Variants in SLC4A7 observed in about 807,000 individuals in gnomAD.
SLC4A7 encodes solute carrier family 4 member 7.
A neutral mutation model predicts 137.6 loss-of-function variants in SLC4A7; 51 were observed. That is an observed-to-expected ratio of 0.37 (90% CI 0.30 to 0.47). The LOEUF is 0.47. SLC4A7 is among the 20% of genes least tolerant of loss of function. The pLI is 1.00. For missense variants in SLC4A7, 1,247 were observed against 1,525.4 expected, an observed-to-expected ratio of 0.82 and a Z score of 3.04; for synonymous variants, 542 against 518.6, an observed-to-expected ratio of 1.05 and a Z score of -0.61.
At chr3:27,478,669 G>T (rs925754598) in intron 1 of SLC4A7, among the ~76,000 whole-genome samples, 8 of 151,788 alleles carry the variant, frequency 5.3e-5, no homozygotes, top group Admixed American at 5.2e-4. Flanking sequence ...ATCCTCTTTG[G>T]AAGAAATCTG....
intron 3 of SLC4A7, among the ~76,000 whole-genome samples, chr3:27,446,740 A>G (rs2057666393): frequency 6.6e-6 from 1 of 152,128 alleles, no homozygotes; most frequent in Non-Finnish European, 1.5e-5. Flanking sequence ...ATTACTTAGT[A>G]TCACCAAAAA....
intron 13 of SLC4A7, among the ~76,000 whole-genome samples, chr3:27,408,147 T>C (rs1432564325): frequency 1.3e-5 from 2 of 152,230 alleles, no homozygotes; most frequent in Non-Finnish European, 2.9e-5. Context: ...TTTTCACTTT[T>C]TTCACTTAGA....
chr3:27,410,520 CAAG>C (rs2053800367), intron 12 of SLC4A7, among the ~76,000 whole-genome samples: 1 of 152,122 alleles, frequency 6.6e-6, no homozygotes, highest in African/African-American at 2.4e-5. Context: ...CACAAATTGA[CAAG>C]TAGTACTCTG....
At chr3:27,465,616 A>T (rs547521320) in intron 1 of SLC4A7, among the ~76,000 whole-genome samples, 2 of 152,306 alleles carry the variant, frequency 1.3e-5, no homozygotes, top group South Asian at 4.1e-4. Flanking sequence ...TGTGAATTTC[A>T]ATCAGCCAAA....
chr3:27,377,165 G>C (rs2049974809), intron 25 of SLC4A7, among the ~76,000 whole-genome samples: 1 of 152,000 alleles, frequency 6.6e-6, no homozygotes, highest in Admixed American at 6.5e-5. Flanking sequence ...CATATGAACA[G>C]TTATAGCATG....
chr3:27,403,283 C>A lies in SLC4A7; in HGVS notation c.2177G>T (p.Cys726Phe). The change falls in exon 15 of 26, where the codon TGT (cysteine) becomes TTT (phenylalanine). Residue 726 changes from cysteine to phenylalanine, a missense_variant. This residue lies in a region of SLC4A7 where 499 missense variants were observed against 664.2 expected (regional missense o/e 0.75). Coordinates refer to ENST00000454389, the MANE Select transcript of SLC4A7 (RefSeq NM_001321103.2). ...LVATDASSLVCYITRFTEEAF... is the reference protein window; with the variant it reads ...LVATDASSLVFYITRFTEEAF... ...CTCTTCTGTAAATCGAGTAATATAA[C>A]ACACAAGGCTGCTTGCATCTGTTGC... 1 of 1,613,948 alleles carries A rather than the reference C, an allele frequency of 6.2e-7. No homozygotes were observed. Among genetic ancestry groups the A allele is most frequent in the Non-Finnish European group, 8.5e-7 (1 of 1,179,938 alleles).
At chr3:27,414,307 A>G (rs1368413022) in intron 11 of SLC4A7, among the ~76,000 whole-genome samples, 1 of 151,848 alleles carries the variant, frequency 6.6e-6, no homozygotes, top group Non-Finnish European at 1.5e-5. Flanking sequence ...TACACAGTTG[A>G]CTCTTGAATA....
chr3:27,403,763 C>G (rs2053041395), intron 14 of SLC4A7, among the ~76,000 whole-genome samples: 1 of 152,142 alleles, frequency 6.6e-6, no homozygotes, highest in African/African-American at 2.4e-5. Context: ...ATCTTACTCC[C>G]TCTAAAGATC....
chr3:27,447,717 G>A (rs541160000), intron 3 of SLC4A7, among the ~76,000 whole-genome samples: 10 of 136,750 alleles, frequency 7.3e-5, no homozygotes, highest in South Asian at 4.5e-4. Context: ...ATCTATGCTC[G>A]TCATCAGATA....
chr3:27,390,132 T>C (rs45577743), intron 21 of SLC4A7, 28 bp from the exon 22 acceptor site: 66 of 1,379,168 alleles, frequency 4.8e-5, no homozygotes, highest in Non-Finnish European at 6.3e-5. Context: ...AACAAAGAAG[T>C]TTTCAATAAA....
In SLC4A7 at chr3:27,375,428, G is replaced by A. The variant is rs760616646; in HGVS notation, c.*1336C>T. The A allele has an allele frequency of 2.0e-5, 3 of 152,272 alleles. No homozygotes were observed. The highest frequency in any genetic ancestry group is 4.4e-5 in the Non-Finnish European group (3 of 67,864). 9.4% of individuals were successfully genotyped at this position (152,272 alleles called of 1,614,324 possible). A position where few individuals can be genotyped will look rare whatever the true frequency, so the allele number is the denominator to read the frequency against. ...ACATTTATTTCATGTGGAACTAAAAGTATATAAAAGATGACTAAAAAGATT... is the reference window on the plus strand; with the variant it reads ...ACATTTATTTCATGTGGAACTAAAAATATATAAAAGATGACTAAAAAGATT... On this transcript the variant is annotated 3_prime_UTR_variant, in exon 26 of 26. Transcript: ENST00000454389.
Position 27,433,943 on chromosome 3 carries a change from A to G in SLC4A7, c.751T>C (p.Ser251Pro). The change falls in exon 6 of 26, where the codon TCT (serine) becomes CCT (proline). Residue 251 changes from serine (S) to proline (P), a missense_variant. Coordinates refer to ENST00000454389, the MANE Select transcript of SLC4A7 (RefSeq NM_001321103.2). ...TTCCTTTCAAGCAAGTGAGGGTCAGAATGTTTCTTGCCTATATCTGCAAAA... is the reference window on the plus strand; with the variant it reads ...TTCCTTTCAAGCAAGTGAGGGTCAGGATGTTTCTTGCCTATATCTGCAAAA... ...RSFADIGKKHSDPHLLERNGE... is the reference protein window; with the variant it reads ...RSFADIGKKHPDPHLLERNGE... 3.1e-6 allele frequency: 5 copies of G among 1,613,818 alleles called. No individual in the cohort carries two copies. The highest frequency in any genetic ancestry group is 4.2e-6 in the Non-Finnish European group (5 of 1,179,876).
chr3:27,439,323 A>G (rs556500417), intron 3 of SLC4A7, among the ~76,000 whole-genome samples: 49 of 152,304 alleles, frequency 3.2e-4, no homozygotes, highest in African/African-American at 9.9e-4. Context: ...AAGCATATAA[A>G]AAACATATCT....
chr3:27,390,324 G>A (rs535661915), intron 21 of SLC4A7: 158 of 406,776 alleles, frequency 3.9e-4, no homozygotes, highest in African/African-American at 3.1e-3. Context: ...TTGCACTGCT[G>A]TAATTTATTT....
chr3:27,468,013 T>C (rs1057021532), intron 1 of SLC4A7, among the ~76,000 whole-genome samples: 5 of 152,190 alleles, frequency 3.3e-5, no homozygotes, highest in African/African-American at 1.2e-4. Context: ...AATAAAATCC[T>C]CTCAGGTTCA....
intron 14 of SLC4A7, among the ~76,000 whole-genome samples, chr3:27,404,242 C>T (rs978247249): frequency 3.9e-5 from 6 of 152,144 alleles, no homozygotes; most frequent in Non-Finnish European, 8.8e-5. Context: ...GTTGCGGCGC[C>T]AGTAATCCCA....
Position 27,447,816 on chromosome 3 carries a change from T to A in SLC4A7, c.289+835A>T, listed in dbSNP as rs563607535. Among the ~76,000 whole-genome samples, 27 of 152,176 alleles carry A rather than the reference T, an allele frequency of 1.8e-4. No individual in the cohort carries two copies. The East Asian group carries it at 5.2e-3, about 29-fold the overall frequency. ...TAACAAACAAAAAAACCCTGTCCTT[T>A]TATATAACTAATATTATCAAATAAG... On this transcript the variant is annotated intron_variant, in intron 3 of 25. Coordinates refer to ENST00000454389, the MANE Select transcript of SLC4A7 (RefSeq NM_001321103.2).
Position 27,463,304 on chromosome 3 carries a change from G to A in SLC4A7, c.61-10806C>T, listed in dbSNP as rs993062691. 3.3e-5 allele frequency among the ~76,000 whole-genome samples: 5 copies of A among 152,216 alleles called. 1 individual carries two copies. The South Asian group carries it at 8.3e-4, about 25-fold the overall frequency. On this transcript the variant is annotated intron_variant, in intron 1 of 25. Coordinates refer to ENST00000454389, the MANE Select transcript of SLC4A7 (RefSeq NM_001321103.2). ...AAATTAGCCAGGCGTGGTGGCGGGCGCCTATAGTCCAGCTACTCAGGAAGC... is the reference window on the plus strand; with the variant it reads ...AAATTAGCCAGGCGTGGTGGCGGGCACCTATAGTCCAGCTACTCAGGAAGC...
intron 1 of SLC4A7, among the ~76,000 whole-genome samples, chr3:27,469,454 G>A (rs2059145237): frequency 6.6e-6 from 1 of 151,942 alleles, no homozygotes; most frequent in African/African-American, 2.4e-5. Flanking sequence ...CCCCTCTTTG[G>A]GTTTAATTAA....
Sources: gnomAD v4.1 joint callset for allele counts (sites outside exome capture counted in the v4.1 genomes callset) on GRCh38, gnomAD v4.1.1 for gene constraint, gnomAD v4.1.1 regional missense constraint, MANE v1.5 for transcripts, NCBI Gene and HGNC (gene_info 2026-07-23, HGNC 2026-07-21) for gene names.